CNTNAP2: variants seen among roughly 807,000 people sequenced by gnomAD.
CNTNAP2 encodes the protein contactin associated protein 2.
In CNTNAP2, 98 loss-of-function variants were observed where a neutral mutation model predicts 155.2. The ratio of observed to expected loss-of-function variants is 0.63; its 90% CI spans 0.54 to 0.75. CNTNAP2 has a LOEUF of 0.75. Ranked by LOEUF, CNTNAP2 falls within the 30% of genes least tolerant of loss-of-function variation. CNTNAP2 has a pLI of 0.00. For missense variants in CNTNAP2, 1,727 were observed against 1,688.1 expected (o/e 1.02, Z -0.40); for synonymous variants, 651 against 631.2 (o/e 1.03, Z -0.47).
intron 1 of CNTNAP2, among the ~76,000 whole-genome samples, chr7:146,644,359 C>T (rs1219625180): frequency 6.6e-6 from 1 of 152,054 alleles, no homozygotes; most frequent in East Asian, 1.9e-4. Flanking sequence ...GAGTTTTTAG[C>T]ATGAAGGGTT....
chr7:147,304,850 G>A (rs917378717), intron 9 of CNTNAP2, among the ~76,000 whole-genome samples: 2 of 152,152 alleles, frequency 1.3e-5, no homozygotes. Context: ...GGTTCTTGAG[G>A]TTGGGAAGTC....
At chr7:146,914,607 T>C (rs965931759) in intron 3 of CNTNAP2, among the ~76,000 whole-genome samples, 3 of 152,082 alleles carry the variant, frequency 2.0e-5, no homozygotes, top group East Asian at 1.9e-4. Flanking sequence ...CCTTTGAGAA[T>C]TGTATATTCA....
intron 1 of CNTNAP2, among the ~76,000 whole-genome samples, chr7:146,241,848 G>A (rs61407196): frequency 0.14 from 20,883 of 150,626 alleles, 4,067 homozygotes; most frequent in African/African-American, 0.44. Flanking sequence ...AAACACACAC[G>A]CACACACACA....
chr7:147,608,782 G>A lies in CNTNAP2; in HGVS notation c.1898-30324G>A, dbSNP rs142022056. 7.5e-3 allele frequency among the ~76,000 whole-genome samples: 1,137 copies of A among 152,252 alleles called. 18 individuals are homozygous for A. The highest frequency in any genetic ancestry group is 0.026 in the African/African-American group (1,070 of 41,534). On this transcript the variant is annotated intron_variant, in intron 12 of 23. Coordinates refer to ENST00000361727, the MANE Select transcript of CNTNAP2 (RefSeq NM_014141.6). ...CAGCAAGGCTGTTTATTTCACCCGG[G>A]TGCAGGCGGGCTGAGTCCGAAAAGA...
intron 13 of CNTNAP2, among the ~76,000 whole-genome samples, chr7:147,865,431 G>T (rs1799210494): frequency 6.6e-6 from 1 of 152,306 alleles, no homozygotes; most frequent in Admixed American, 6.5e-5. Context: ...TCAGGATCAT[G>T]TTGGCCTCAT....
At chr7:146,485,979 T>G (rs1347604298) in intron 1 of CNTNAP2, among the ~76,000 whole-genome samples, 1 of 151,894 alleles carries the variant, frequency 6.6e-6, no homozygotes, top group Non-Finnish European at 1.5e-5. Context: ...ATTGCATGTT[T>G]TTCTTTGTAT....
At chr7:146,768,545 C>T (rs572312884) in intron 1 of CNTNAP2, among the ~76,000 whole-genome samples, 2 of 151,914 alleles carry the variant, frequency 1.3e-5, no homozygotes, top group Admixed American at 6.5e-5. Context: ...AGTCATAACA[C>T]GTGATGCAGG....
At chr7:147,570,434 A>G (rs923270386) in intron 12 of CNTNAP2, among the ~76,000 whole-genome samples, 1 of 152,242 alleles carries the variant, frequency 6.6e-6, no homozygotes, top group South Asian at 2.1e-4. Context: ...TTTACTGTTA[A>G]TGCTCTTATA....
chr7:146,974,666 C>T (rs1287017974), intron 3 of CNTNAP2, among the ~76,000 whole-genome samples: 2 of 152,070 alleles, frequency 1.3e-5, no homozygotes, highest in Admixed American at 6.6e-5. Flanking sequence ...GATGTTGGTA[C>T]ATTTAAATTG....
At chr7:147,092,198 G>T (rs1375436536) in intron 4 of CNTNAP2, among the ~76,000 whole-genome samples, 1 of 152,218 alleles carries the variant, frequency 6.6e-6, no homozygotes, top group Non-Finnish European at 1.5e-5. Flanking sequence ...TGTATCAAAT[G>T]TATCCTGTTT....
chr7:147,359,371 G>A (rs1563174047), intron 9 of CNTNAP2, among the ~76,000 whole-genome samples: 1 of 152,096 alleles, frequency 6.6e-6, no homozygotes, highest in South Asian at 2.1e-4. Context: ...GCTTATCACA[G>A]TGATCTTTGA....
chr7:147,005,073 T>C (rs1798501349), intron 3 of CNTNAP2, among the ~76,000 whole-genome samples: 1 of 152,060 alleles, frequency 6.6e-6, no homozygotes, highest in Admixed American at 6.6e-5. Flanking sequence ...GGAGGCAGGA[T>C]CAAAATATCA....
chr7:148,009,572 A>G lies in CNTNAP2; in HGVS notation c.2383+31583A>G, dbSNP rs180726282. Among the ~76,000 whole-genome samples, 69 of 152,286 alleles carry G rather than the reference A, an allele frequency of 4.5e-4. 1 individual carries two copies. The highest frequency in any genetic ancestry group is 1.6e-3 in the African/African-American group (65 of 41,586). On this transcript the variant is annotated intron_variant, in intron 15 of 23. Transcript: ENST00000361727. Reference sequence around the variant, plus strand: ...GGAGACTGGTATATTTACCTATACTATAGTAACTGAAATTTATGCATATTA... The same window carrying G: ...GGAGACTGGTATATTTACCTATACTGTAGTAACTGAAATTTATGCATATTA...
intron 13 of CNTNAP2, among the ~76,000 whole-genome samples, chr7:147,804,155 A>G (rs1584964192): frequency 6.6e-6 from 1 of 152,346 alleles, no homozygotes; most frequent in African/African-American, 2.4e-5. Context: ...AGAAGCACTT[A>G]CTTGAAAAGC....
intron 11 of CNTNAP2, among the ~76,000 whole-genome samples, chr7:147,551,783 A>G (rs1004107952): frequency 2.0e-5 from 3 of 152,104 alleles, no homozygotes; most frequent in Non-Finnish European, 2.9e-5. Context: ...GGTGTTCTCT[A>G]TTTCTTAACA....
chr7:147,151,576 G>T (rs1205028356), intron 8 of CNTNAP2, among the ~76,000 whole-genome samples: 2 of 151,888 alleles, frequency 1.3e-5, no homozygotes, highest in Admixed American at 6.6e-5. Context: ...TAATTTAATG[G>T]CCTTAAGTTT....
At chr7:148,146,491 C>T (rs1805180699) in intron 16 of CNTNAP2, among the ~76,000 whole-genome samples, 1 of 152,178 alleles carries the variant, frequency 6.6e-6, no homozygotes, top group Admixed American at 6.5e-5. Flanking sequence ...AAAGCAACCA[C>T]CCAATCCATT....
intron 18 of CNTNAP2, among the ~76,000 whole-genome samples, chr7:148,181,522 T>C (rs1005866549): frequency 1.3e-5 from 2 of 152,118 alleles, no homozygotes; most frequent in African/African-American, 4.8e-5. Context: ...TTATAGAATT[T>C]TGTGGTGGTA....
At chr7:146,184,119 G>A (rs146417819) in intron 1 of CNTNAP2, among the ~76,000 whole-genome samples, 7 of 152,194 alleles carry the variant, frequency 4.6e-5, no homozygotes, top group African/African-American at 1.7e-4. Flanking sequence ...GCTTTGCCCC[G>A]AACCAACTAC....
Sources: gnomAD v4.1 joint callset for allele counts (sites outside exome capture counted in the v4.1 genomes callset) on GRCh38, gnomAD v4.1.1 for gene constraint, MANE v1.5 for transcripts, NCBI Gene and HGNC (gene_info 2026-07-23, HGNC 2026-07-21) for gene names.